SPATA16: variants seen among roughly 807,000 people sequenced by gnomAD.
The protein encoded by SPATA16 is spermatogenesis associated 16.
SPATA16 carries 36 observed loss-of-function variants against 63.3 expected under a neutral mutation model. The observed-to-expected ratio is 0.57, with a 90% CI of 0.44 to 0.75. The LOEUF (loss-of-function observed/expected upper bound fraction) is 0.75, where lower values mean the gene tolerates loss of function less well. Ranked by LOEUF, SPATA16 falls within the 30% of genes least tolerant of loss-of-function variation. The pLI is 0.00. For missense variants in SPATA16, 646 were observed against 679.3 expected, an observed-to-expected ratio of 0.95 and a Z score of 0.54; for synonymous variants, 203 against 216.7, an observed-to-expected ratio of 0.94 and a Z score of 0.56.
intron 2 of SPATA16, among the ~76,000 whole-genome samples, chr3:173,061,175 C>T (rs1052405129): frequency 3.0e-4 from 46 of 152,186 alleles, no homozygotes; most frequent in African/African-American, 1.1e-3. Flanking sequence ...CCACACTTGT[C>T]CATTTCCACC....
intron 3 of SPATA16, among the ~76,000 whole-genome samples, chr3:173,047,960 T>C (rs976184830): frequency 2.0e-5 from 3 of 152,116 alleles, no homozygotes; most frequent in East Asian, 1.9e-4. Context: ...CTGTGAAATA[T>C]CTTGGGTAGA....
At chr3:172,940,559 G>C (rs1733120537) in intron 6 of SPATA16, among the ~76,000 whole-genome samples, 2 of 152,044 alleles carry the variant, frequency 1.3e-5, no homozygotes, top group Admixed American at 6.6e-5. Context: ...ATAAAACTAG[G>C]TTTTTAAAAG....
chr3:173,123,650 C>G (rs1738146590), intron 1 of SPATA16, among the ~76,000 whole-genome samples: 1 of 148,620 alleles, frequency 6.7e-6, no homozygotes, highest in African/African-American at 2.5e-5. Context: ...ATCACCCAGG[C>G]TGGAGTGCAA....
chr3:173,034,958 G>C (rs1296964361), intron 3 of SPATA16, among the ~76,000 whole-genome samples: 2 of 152,058 alleles, frequency 1.3e-5, no homozygotes, highest in Non-Finnish European at 2.9e-5. Flanking sequence ...TTGACATTCT[G>C]TCTTCTTTGG....
intron 10 of SPATA16, among the ~76,000 whole-genome samples, chr3:172,890,288 A>G (rs1213601096): frequency 1.3e-5 from 2 of 152,234 alleles, no homozygotes; most frequent in Admixed American, 6.5e-5. Flanking sequence ...TTGAAAAAGA[A>G]TTAGTCTTTC....
At chr3:172,912,004 C>T (rs944673397) in intron 10 of SPATA16, among the ~76,000 whole-genome samples, 1 of 152,206 alleles carries the variant, frequency 6.6e-6, no homozygotes, top group Non-Finnish European at 1.5e-5. Context: ...CTAAAACATT[C>T]CAAACCTAAT....
intron 2 of SPATA16, among the ~76,000 whole-genome samples, chr3:173,052,383 T>C (rs1425079508): frequency 6.6e-6 from 1 of 152,182 alleles, no homozygotes; most frequent in Non-Finnish European, 1.5e-5. Context: ...ATTTTTCAAT[T>C]CATGTTAAAA....
intron 8 of SPATA16, among the ~76,000 whole-genome samples, chr3:172,917,846 T>G (rs1201467232): frequency 6.6e-6 from 1 of 152,232 alleles, no homozygotes; most frequent in African/African-American, 2.4e-5. Flanking sequence ...AGAATGCACT[T>G]CTTTTTGAAA....
intron 6 of SPATA16, among the ~76,000 whole-genome samples, chr3:172,932,971 G>C (rs1013177769): frequency 7.9e-5 from 12 of 152,014 alleles, no homozygotes; most frequent in African/African-American, 2.4e-4. Flanking sequence ...AACTTAGAAA[G>C]ACACATAATC....
intron 10 of SPATA16, among the ~76,000 whole-genome samples, chr3:172,910,946 T>C (rs1732359379): frequency 6.6e-6 from 1 of 152,242 alleles, no homozygotes; most frequent in Admixed American, 6.5e-5. Flanking sequence ...TGTTAACCTA[T>C]AGCCTTGCAA....
At chr3:172,929,183 T>C (rs1040698662) in intron 6 of SPATA16, among the ~76,000 whole-genome samples, 11 of 152,184 alleles carry the variant, frequency 7.2e-5, no homozygotes, top group African/African-American at 2.7e-4. Context: ...TCCTTTACAA[T>C]TTATCCCAAT....
intron 5 of SPATA16, among the ~76,000 whole-genome samples, chr3:172,973,439 G>C (rs1734089940): frequency 6.6e-6 from 1 of 152,166 alleles, no homozygotes; most frequent in South Asian, 2.1e-4. Flanking sequence ...CTTGTTTTGT[G>C]GGAGTTCTGT....
chr3:172,975,925 G>T (rs1734149477), intron 5 of SPATA16, among the ~76,000 whole-genome samples: 1 of 151,084 alleles, frequency 6.6e-6, no homozygotes, highest in East Asian at 1.9e-4. Flanking sequence ...AATGTGGGGG[G>T]AAAAAAAACA....
At chr3:173,117,009 C>T in intron 2 of SPATA16, 111 bp downstream of exon 2, 2 of 1,100,636 alleles carry the variant, frequency 1.8e-6, no homozygotes, top group Non-Finnish European at 2.8e-6. Context: ...ATTACATATC[C>T]TCACCTCATG....
rs146191821 is a variant in SPATA16 at position 173,049,007 on chromosome 3, G to T, written c.700C>A (p.Leu234Ile). The change falls in exon 3 of 11, where the codon CTT becomes ATT. Residue 234 changes from leucine to isoleucine, a missense_variant. Coordinates refer to ENST00000351008, the MANE Select transcript of SPATA16 (RefSeq NM_031955.6). ...ASVASFIETK[L>I]VTCYLRMRKP... The stretch of plus-strand genomic sequence containing the variant: ...CTCATCCGTAGATAACAGGTAACAA[G>T]CTTTGTCTCAATGAAACTTGCCACG... 1.9e-6 allele frequency: 3 copies of T among 1,613,732 alleles called. No homozygotes were observed. The highest frequency in any genetic ancestry group is 2.5e-6 in the Non-Finnish European group (3 of 1,179,788).
intron 8 of SPATA16, among the ~76,000 whole-genome samples, chr3:172,917,163 C>T (rs1213677622): frequency 6.6e-6 from 1 of 152,092 alleles, no homozygotes; most frequent in African/African-American, 2.4e-5. Flanking sequence ...AGATGGGGCG[C>T]ATTTAGAAAA....
chr3:172,973,211 G>C (rs1002844401), intron 5 of SPATA16, among the ~76,000 whole-genome samples: 2 of 152,160 alleles, frequency 1.3e-5, no homozygotes, highest in Non-Finnish European at 2.9e-5. Flanking sequence ...TATTCTGACT[G>C]TGTATAGGAG....
chr3:172,922,388 CT>C (rs1732632050), intron 8 of SPATA16, among the ~76,000 whole-genome samples: 2 of 152,146 alleles, frequency 1.3e-5, no homozygotes, highest in South Asian at 4.1e-4. Flanking sequence ...TGTTAAGAAT[CT>C]CATTAATTAT....
chr3:172,956,845 C>A, intron 5 of SPATA16, 21 bp from the exon 6 acceptor site: 1 of 1,612,714 alleles, frequency 6.2e-7, no homozygotes, highest in South Asian at 1.1e-5. Flanking sequence ...ACAAACAACC[C>A]ATTTGGCATC....
Sources: gnomAD v4.1 joint callset for allele counts (sites outside exome capture counted in the v4.1 genomes callset) on GRCh38, gnomAD v4.1.1 for gene constraint, MANE v1.5 for transcripts, NCBI Gene and HGNC (gene_info 2026-07-23, HGNC 2026-07-21) for gene names.